Variants in SARS2 observed in about 807,000 individuals in gnomAD.
SARS2 encodes serine--tRNA ligase, mitochondrial.
Under a neutral mutation model 66.8 loss-of-function variants are expected in SARS2, and 52 were observed. That is an observed-to-expected ratio of 0.78 (90% confidence interval 0.62 to 0.98). SARS2 has a LOEUF of 0.98. Among genes scored for constraint, SARS2 ranks in the 50% least tolerant of loss-of-function variants. The probability of loss-of-function intolerance (pLI) is 0.00; values close to 1 mark genes in which losing one functional copy is unlikely to be tolerated. For synonymous variants in SARS2, 306 were observed against 281.4 expected, an observed-to-expected ratio of 1.09 and a Z score of -0.87; for missense variants, 673 against 706.3, an observed-to-expected ratio of 0.95 and a Z score of 0.53.
At chr19:38,925,411 GGGCCCAGGTGGAGGAT>G (rs1202067763) in intron 2 of SARS2, among the ~76,000 whole-genome samples, 3 of 152,328 alleles carry the variant, frequency 2.0e-5, no homozygotes, top group African/African-American at 7.2e-5. Flanking sequence ...CAGGGGAAGT[GGGCCCAGGTGGAGGAT>G]GGCCTCTGAT....
At chr19:38,928,031 TCAAA>T (rs945954143) in intron 1 of SARS2, among the ~76,000 whole-genome samples, 30 of 152,068 alleles carry the variant, frequency 2.0e-4, no homozygotes, top group East Asian at 5.8e-4. Context: ...AGACTCCATC[TCAAA>T]CAAACAAACA....
chr19:38,918,627 G>C (rs926569727), intron 8 of SARS2, 97 bp from the exon 9 acceptor site: 1 of 1,386,112 alleles, frequency 7.2e-7, no homozygotes, highest in African/African-American at 1.4e-5. Context: ...AAAACATCTG[G>C]AGCTGCCCTG....
At chr19:38,917,690 CTG>C in intron 12 of SARS2, 32 bp downstream of exon 12, 1 of 1,138,288 alleles carries the variant, frequency 8.8e-7, no homozygotes, top group East Asian at 2.5e-5. Flanking sequence ...TACCCCACCC[CTG>C]CCATCCCTGG....
Position 38,926,295 on chromosome 19 carries a change from C to T in SARS2, c.273G>A (p.Ser91=), listed in dbSNP as rs144229840. 2,160 of 1,603,770 alleles carry T rather than the reference C, an allele frequency of 1.3e-3. 24 individuals are homozygous for T. In the African/African-American group the frequency reaches 0.022, roughly 16 times the overall value. The change falls in exon 2 of 16, where the codon TCG becomes TCA. Residue 91 remains serine, a synonymous_variant. Transcript: ENST00000221431. ...LRSADLPAII[S]TWQELRQLQE... ...GCAGCTGCCTCAGCTCCTGCCATGT[C>T]GAGATCTGGGGTGGATATAAGAGAA...
chr19:38,928,665 A>C (rs1304849747), intron 1 of SARS2, among the ~76,000 whole-genome samples: 1 of 152,080 alleles, frequency 6.6e-6, no homozygotes, highest in Non-Finnish European at 1.5e-5. Context: ...GGAATTTTCC[A>C]TCCTACCTCC....
chr19:38,921,435 A>G lies in SARS2; in HGVS notation c.546T>C (p.Asp182=). ...NQTHPDVPVG[D]ESQARVLHMV... ...TGTGGAGCACTCGAGCCTGGCTCTC[A>G]TCCCCGACGGGCTGCAGGGAGACAG... Residue 182 remains aspartate, a synonymous_variant, in exon 5 of 16, where the codon GAT becomes GAC. Coordinates refer to ENST00000221431, the MANE Select transcript of SARS2 (RefSeq NM_017827.4). The G allele has an allele frequency of 6.2e-7, 1 of 1,613,938 alleles. No homozygotes were observed. The highest frequency in any genetic ancestry group is 1.1e-5 in the South Asian group (1 of 91,074).
rs1247377298 is a variant in SARS2 at position 38,930,498 on chromosome 19, T to C, written c.239A>G (p.Glu80Gly). 6.2e-7 allele frequency: 1 copy of C among 1,605,132 alleles called. No individual in the cohort carries two copies. The highest frequency in any genetic ancestry group is 1.1e-5 in the South Asian group (1 of 90,998). The change falls in exon 1 of 16, where the codon GAG becomes GGG. Residue 80 changes from glutamate to glycine, a missense_variant. Coordinates refer to ENST00000221431, the MANE Select transcript of SARS2 (RefSeq NM_017827.4). ...AAHALELRKG[E>G]LRSADLPAII... ...CGCGGGCAGGTCCGCCGAGCGCAGC[T>C]CCCCCTTGCGGAGCTCCAGGGCGTG...
chr19:38,929,439 C>T (rs1213192321), intron 1 of SARS2, among the ~76,000 whole-genome samples: 1 of 151,800 alleles, frequency 6.6e-6, no homozygotes, highest in African/African-American at 2.4e-5. Context: ...GCCTGTAGTC[C>T]CAGCTACACG....
Position 38,917,995 on chromosome 19 carries a change from T to C in SARS2, c.976A>G (p.Ser326Gly). ...RDLPVRMVCS[S>G]TCYRAETNTG... ...TTTGTCTCTGCCCGGTAGCAGGTGCTGGAGCAAACCATCCTGGCAGAGAGC... is the reference window on the plus strand; with the variant it reads ...TTTGTCTCTGCCCGGTAGCAGGTGCCGGAGCAAACCATCCTGGCAGAGAGC... Residue 326 changes from serine (S) to glycine (G), a missense_variant, in exon 11 of 16, where the codon AGC becomes GGC. Transcript: ENST00000221431. The C allele has an allele frequency of 6.2e-7, 1 of 1,602,528 alleles. No homozygotes were observed. The highest frequency in any genetic ancestry group is 8.5e-7 in the Non-Finnish European group (1 of 1,174,268).
chr19:38,920,127 G>T lies in SARS2; in HGVS notation c.612C>A (p.Gly204=), dbSNP rs781202576. 4 of 1,561,728 alleles carry T rather than the reference G, an allele frequency of 2.6e-6. No homozygotes were observed. Among genetic ancestry groups the T allele is most frequent in the Non-Finnish European group, 3.5e-6 (4 of 1,152,288 alleles). The change falls in exon 6 of 16, where the codon GGC becomes GGA. Residue 204 remains glycine (G), a synonymous_variant. Coordinates refer to ENST00000221431, the MANE Select transcript of SARS2 (RefSeq NM_017827.4). ...CGAGTTTCTCGCCAATTTCCAGGTG[G>T]CCCCGAGGTTGGAAGGAGAAAACTG... The part of the protein sequence containing the change: ...DKPVFSFQPR[G]HLEIGEKLDI...
chr19:38,924,321 A>C (rs376159993), intron 2 of SARS2, among the ~76,000 whole-genome samples: 33 of 152,284 alleles, frequency 2.2e-4, no homozygotes, highest in African/African-American at 7.5e-4. Flanking sequence ...GGGCACCTAC[A>C]TGCTGTGAGC....
intron 9 of SARS2, 68 bp downstream of exon 9, chr19:38,918,354 C>T: frequency 6.9e-7 from 1 of 1,442,670 alleles, no homozygotes; most frequent in South Asian, 1.2e-5. Flanking sequence ...CCCCAGTGCT[C>T]CCTGGACGCT....
In SARS2 at chr19:38,918,963, C is replaced by A. The variant is rs1784478631; in HGVS notation, c.760-150G>T. Reference sequence around the variant, plus strand: ...GTGGCTCACCCATGTAATCCCAGCACTTTGGGAGGCTGAGGTGGGCGGATC... The same window carrying A: ...GTGGCTCACCCATGTAATCCCAGCAATTTGGGAGGCTGAGGTGGGCGGATC... On this transcript the variant is annotated intron_variant, in intron 7 of 15. Transcript: ENST00000221431. 3 of 736,670 alleles carry A rather than the reference C, an allele frequency of 4.1e-6. No individual in the cohort carries two copies. The African/African-American group carries it at 5.2e-5, about 13-fold the overall frequency. 45.6% of individuals were successfully genotyped at this position (736,670 alleles called of 1,614,324 possible).
At position 38,915,519 on chromosome 19, in the gene SARS2, G is replaced by T; in HGVS notation, c.*87C>A. 6.6e-7 allele frequency: 1 copy of T among 1,514,728 alleles called. No individual in the cohort carries two copies. The highest frequency in any genetic ancestry group is 9.0e-7 in the Non-Finnish European group (1 of 1,110,220). The allele number at this position is 1,514,728 out of a possible 1,614,324, so 93.8% of individuals were successfully genotyped here. On this transcript the variant is annotated 3_prime_UTR_variant, in exon 16 of 16. Transcript: ENST00000221431. ...ACAGGAAGAACACAGATGTCAGGAC[G>T]GGCTCAGCAACACAGGTCCCAGGTG...
intron 7 of SARS2, among the ~76,000 whole-genome samples, chr19:38,919,262 G>C (rs192459601): frequency 6.6e-6 from 1 of 152,214 alleles, no homozygotes. Context: ...ACTCCAGCCT[G>C]GGTGACAGAG....
At position 38,922,721 on chromosome 19, in the gene SARS2, C is replaced by T. The variant is rs183177108; in HGVS notation, c.364-454G>A. On this transcript the variant is annotated intron_variant, in intron 2 of 15. Transcript: ENST00000221431. ...CTGTTATCCTGATAGTGAGTTCTCA[C>T]GAGATCTGATGGTTTAAAAGCATTT... 1.1e-4 allele frequency among the ~76,000 whole-genome samples: 17 copies of T among 152,184 alleles called. No homozygotes were observed. The East Asian group carries it at 1.2e-3, about 10-fold the overall frequency.
chr19:38,928,340 T>C (rs575490991), intron 1 of SARS2: 8 of 151,622 alleles, frequency 5.3e-5, no homozygotes, highest in African/African-American at 1.7e-4. Context: ...ATTGTGCGAC[T>C]GCACTCAGGC....
chr19:38,923,347 T>C (rs12972016), intron 2 of SARS2, among the ~76,000 whole-genome samples: 2 of 138,904 alleles, frequency 1.4e-5, no homozygotes, highest in African/African-American at 2.7e-5. Flanking sequence ...TCAGCCTCCC[T>C]AGTAGCTGGG....
chr19:38,930,036 C>T (rs990687068), intron 1 of SARS2: 11 of 173,720 alleles, frequency 6.3e-5, no homozygotes, highest in Non-Finnish European at 1.2e-4. Context: ...CTATGTGTGG[C>T]GGAGGTGCAC....
Sources: gnomAD v4.1 joint callset for allele counts (sites outside exome capture counted in the v4.1 genomes callset) on GRCh38, gnomAD v4.1.1 for gene constraint, MANE v1.5 for transcripts, NCBI Gene and HGNC (gene_info 2026-07-23, HGNC 2026-07-21) for gene names.